Variants in EHMT1 observed in about 807,000 individuals in gnomAD.
The protein encoded by EHMT1 is histone-lysine N-methyltransferase EHMT1.
In EHMT1, 15 loss-of-function variants were observed where a neutral mutation model predicts 147.2. That is an observed-to-expected ratio of 0.10 (90% CI 0.07 to 0.16). The LOEUF (loss-of-function observed/expected upper bound fraction) is 0.16. EHMT1 is among the 10% of genes least tolerant of loss of function. The probability of loss-of-function intolerance (pLI) is 1.00; values close to 1 mark genes in which losing one functional copy is unlikely to be tolerated. For synonymous variants in EHMT1, 795 were observed against 709.6 expected, an observed-to-expected ratio of 1.12 and a Z score of -1.91; for missense variants, 1,587 against 1,772.4, an observed-to-expected ratio of 0.90 and a Z score of 1.88.
chr9:137,760,138 C>A (rs4610828), intron 9 of EHMT1, among the ~76,000 whole-genome samples: 1 of 152,010 alleles, frequency 6.6e-6, no homozygotes, highest in Admixed American at 6.6e-5. Flanking sequence ...TGGGCTAGGG[C>A]GGGAGAGGCA....
intron 1 of EHMT1, among the ~76,000 whole-genome samples, chr9:137,697,982 GTTGTGAGGGCAGC>G (rs924296111): frequency 6.7e-6 from 1 of 149,822 alleles, no homozygotes; most frequent in African/African-American, 2.5e-5. Flanking sequence ...ACTCCCCACT[GTTGTGAGGGCAGC>G]GTGTGAGGGC....
chr9:137,767,589 G>A (rs1333978271), intron 10 of EHMT1, among the ~76,000 whole-genome samples: 1 of 152,186 alleles, frequency 6.6e-6, no homozygotes, highest in Non-Finnish European at 1.5e-5. Flanking sequence ...GAGGTGGGTG[G>A]ATTGCTTGAG....
intron 25 of EHMT1, among the ~76,000 whole-genome samples, chr9:137,826,743 A>T (rs577860315): frequency 6.6e-6 from 1 of 152,274 alleles, no homozygotes; most frequent in Non-Finnish European, 1.5e-5. Context: ...TAATGGCAGC[A>T]TTGTGCACAC....
chr9:137,619,885 A>G (rs1247975912), intron 1 of EHMT1, among the ~76,000 whole-genome samples: 2 of 152,006 alleles, frequency 1.3e-5, no homozygotes, highest in African/African-American at 4.8e-5. Context: ...GTGGAGATGC[A>G]GAAATAGTGT....
intron 25 of EHMT1, chr9:137,820,213 T>C (rs1419906849): frequency 2.0e-5 from 3 of 152,274 alleles, no homozygotes; most frequent in African/African-American, 7.2e-5. Flanking sequence ...GAAGAGAAGC[T>C]GGGCTCTGGA....
intron 25 of EHMT1, among the ~76,000 whole-genome samples, chr9:137,831,178 G>A (rs1010435381): frequency 6.6e-6 from 1 of 152,214 alleles, no homozygotes; most frequent in Non-Finnish European, 1.5e-5. Flanking sequence ...CTCAGCCTGT[G>A]AGTCTGGTCG....
Position 137,775,065 on chromosome 9 carries a change from C to G in EHMT1, c.1648-44C>G. 1.2e-6 allele frequency: 2 copies of G among 1,613,656 alleles called. No individual in the cohort carries two copies. Among genetic ancestry groups the G allele is most frequent in the Non-Finnish European group, 1.7e-6 (2 of 1,179,934 alleles). ...GCGCCTGGTGGGAGGGAATGCCGGC[C>G]TCTCGTGACTCTGACATTGACCACC... On this transcript the variant is annotated intron_variant, in intron 10 of 26. Coordinates refer to ENST00000460843, the MANE Select transcript of EHMT1 (RefSeq NM_024757.5). The surrounding 1 kb of genome is among the most constrained non-coding windows in gnomAD (Gnocchi z 6.1).
intron 10 of EHMT1, among the ~76,000 whole-genome samples, chr9:137,766,771 T>G (rs1320600651): frequency 6.6e-6 from 1 of 152,206 alleles, no homozygotes; most frequent in Non-Finnish European, 1.5e-5. Context: ...AAATTTAAAG[T>G]GGCTTTCTTG....
In EHMT1 at chr9:137,646,543, G is replaced by GGGGAGGCCCC. The variant is rs1257321554; in HGVS notation, c.21+27495_21+27504dup. ...CTTGGCTGCCCAACCCTGGAGCCTG[G>GGGGAGGCCCC]GGGAGGCCCCCGAGCGTGTGGGCTG... is the stretch of plus-strand genomic sequence containing the variant. On this transcript the variant is annotated intron_variant, in intron 1 of 26. Transcript: ENST00000460843. 5.2e-6 allele frequency: 4 copies of GGGGAGGCCCC among 763,464 alleles called. No homozygotes were observed. In the African/African-American group the frequency reaches 5.7e-5, roughly 11 times the overall value. The allele number at this position is 763,464 out of a possible 1,614,324, so 47.3% of individuals were successfully genotyped here. A position where few individuals can be genotyped will look rare whatever the true frequency, so the allele number is the denominator to read the frequency against.
intron 24 of EHMT1, 25 bp downstream of exon 24, chr9:137,817,550 A>G (rs758976137): frequency 1.2e-6 from 2 of 1,613,964 alleles, no homozygotes; most frequent in South Asian, 1.1e-5. Flanking sequence ...GGGTCACCCC[A>G]AGCCTGGTGT....
intron 1 of EHMT1, among the ~76,000 whole-genome samples, chr9:137,679,690 G>C (rs1056790752): frequency 2.6e-5 from 4 of 152,160 alleles, no homozygotes; most frequent in African/African-American, 9.7e-5. Context: ...ATAGAGTTAA[G>C]AGTAAGTAAA....
chr9:137,677,932 G>A (rs1399395862), intron 1 of EHMT1, among the ~76,000 whole-genome samples: 1 of 151,112 alleles, frequency 6.6e-6, no homozygotes, highest in African/African-American at 2.4e-5. Flanking sequence ...AGCCGGGCGT[G>A]GCGGCGGGCG....
At chr9:137,630,660 G>A (rs12352124) in intron 1 of EHMT1, among the ~76,000 whole-genome samples, 3,238 of 152,214 alleles carry the variant, frequency 0.021, 121 homozygotes, top group African/African-American at 0.068. Context: ...ATGTGCCGTT[G>A]TACTTCCTCT....
At chr9:137,666,088 TAC>T (rs1388348320) in intron 1 of EHMT1, 1 of 152,312 alleles carries the variant, frequency 6.6e-6, no homozygotes, top group Admixed American at 6.5e-5. Flanking sequence ...CTCTTTCTTT[TAC>T]ATTGGTGCTT....
intron 1 of EHMT1, among the ~76,000 whole-genome samples, chr9:137,655,753 G>A (rs550095223): frequency 6.6e-6 from 1 of 152,246 alleles, no homozygotes; most frequent in Admixed American, 6.5e-5. Context: ...CTGCACATGC[G>A]AGTGATCTGG....
intron 1 of EHMT1, among the ~76,000 whole-genome samples, chr9:137,678,230 G>T (rs1389515950): frequency 1.3e-5 from 2 of 152,118 alleles, no homozygotes; most frequent in Non-Finnish European, 2.9e-5. Context: ...TTTGTTTCTT[G>T]TGATTTGTTT....
intron 1 of EHMT1, among the ~76,000 whole-genome samples, chr9:137,692,267 C>CTTTTTTTTT (rs11398600): frequency 1.7e-5 from 2 of 118,390 alleles, no homozygotes; most frequent in East Asian, 2.1e-4. Context: ...TTCTTTCTTT[C>CTTTTTTTTT]TTTTTTTTTT....
At chr9:137,738,312 A>G (rs1314889635) in intron 4 of EHMT1, among the ~76,000 whole-genome samples, 1 of 152,230 alleles carries the variant, frequency 6.6e-6, no homozygotes, top group African/African-American at 2.4e-5. Flanking sequence ...AAAGATGCTC[A>G]ACGTCACTAA....
chr9:137,804,332 T>C (rs763345007), intron 18 of EHMT1, among the ~76,000 whole-genome samples: 24 of 152,248 alleles, frequency 1.6e-4, no homozygotes, highest in Non-Finnish European at 3.1e-4. Context: ...TGTAGTGATA[T>C]CTTGTGGTTT....
Sources: gnomAD v4.1 joint callset for allele counts (sites outside exome capture counted in the v4.1 genomes callset) on GRCh38, gnomAD v4.1.1 for gene constraint, Gnocchi (gnomAD v3.1) non-coding constraint, MANE v1.5 for transcripts, NCBI Gene and HGNC (gene_info 2026-07-23, HGNC 2026-07-21) for gene names.